Variants in TMEM132B observed in about 807,000 individuals in gnomAD.
TMEM132B encodes transmembrane protein 132B.
In TMEM132B, 18 loss-of-function variants were observed where a neutral mutation model predicts 90.8. The observed-to-expected ratio is 0.20, with a 90% CI of 0.14 to 0.29. The LOEUF is 0.29. Ranked by LOEUF, TMEM132B falls within the 10% of genes least tolerant of loss-of-function variation. The probability of loss-of-function intolerance (pLI) is 1.00; values close to 1 mark genes in which losing one functional copy is unlikely to be tolerated. For missense variants in TMEM132B, 1,096 were observed against 1,326.8 expected (o/e 0.83, Z 2.70); for synonymous variants, 504 against 523.3 (o/e 0.96, Z 0.50).
At chr12:125,566,411 A>T (rs952040239) in intron 4 of TMEM132B, among the ~76,000 whole-genome samples, 1 of 152,266 alleles carries the variant, frequency 6.6e-6, no homozygotes, top group African/African-American at 2.4e-5. Context: ...GTAAGACATA[A>T]ATAGTGCTCA....
At chr12:125,225,496 G>C (rs1236725744) in intron 1 of TMEM132B, among the ~76,000 whole-genome samples, 2 of 152,200 alleles carry the variant, frequency 1.3e-5, no homozygotes, top group Non-Finnish European at 2.9e-5. Flanking sequence ...ATTTCTGGCT[G>C]TGCTATGCCT....
At chr12:125,265,063 A>T (rs1378812349) in intron 1 of TMEM132B, among the ~76,000 whole-genome samples, 1 of 152,210 alleles carries the variant, frequency 6.6e-6, no homozygotes, top group Non-Finnish European at 1.5e-5. Flanking sequence ...TTGTTACTGT[A>T]CTGAATACTG....
chr12:125,483,286 A>T (rs1882107238), intron 3 of TMEM132B, among the ~76,000 whole-genome samples: 1 of 152,166 alleles, frequency 6.6e-6, no homozygotes, highest in South Asian at 2.1e-4. Context: ...TGTGAGAAAA[A>T]ATAGTGATTG....
intron 5 of TMEM132B, among the ~76,000 whole-genome samples, chr12:125,631,785 G>A (rs1393114036): frequency 1.3e-5 from 2 of 151,576 alleles, no homozygotes; most frequent in Non-Finnish European, 2.9e-5. Context: ...TCAATTTGTC[G>A]GATATAAGCA....
intron 4 of TMEM132B, 45 bp from the exon 5 acceptor site, chr12:125,583,806 T>C (rs1885113697): frequency 6.2e-7 from 1 of 1,608,800 alleles, no homozygotes; most frequent in African/African-American, 1.3e-5. Context: ...CTCGCCCCTG[T>C]GGTATGCACG....
intron 1 of TMEM132B, among the ~76,000 whole-genome samples, chr12:125,329,187 G>A (rs1423221286): frequency 1.3e-5 from 2 of 152,176 alleles, no homozygotes; most frequent in African/African-American, 2.4e-5. Context: ...GCGAGGATAT[G>A]GCAAGAATGC....
At chr12:125,516,009 C>T (rs1044045033) in intron 3 of TMEM132B, among the ~76,000 whole-genome samples, 1 of 151,882 alleles carries the variant, frequency 6.6e-6, no homozygotes, top group Non-Finnish European at 1.5e-5. Flanking sequence ...TCCCAGACTC[C>T]TATGCACTCC....
chr12:125,569,733 G>A (rs578182129), intron 4 of TMEM132B, among the ~76,000 whole-genome samples: 15 of 152,190 alleles, frequency 9.9e-5, no homozygotes, highest in Non-Finnish European at 1.9e-4. Flanking sequence ...GAACCAGCAC[G>A]GGAGCTCCTT....
chr12:125,434,171 G>A (rs1384701561), intron 3 of TMEM132B, among the ~76,000 whole-genome samples: 5 of 152,102 alleles, frequency 3.3e-5, no homozygotes, highest in African/African-American at 1.2e-4. Context: ...ATTCCTTGGC[G>A]GGTGGCCCTG....
chr12:125,316,388 G>T (rs538548644), intron 1 of TMEM132B, among the ~76,000 whole-genome samples: 2 of 151,994 alleles, frequency 1.3e-5, no homozygotes, highest in African/African-American at 2.4e-5. Flanking sequence ...GCATCTCTTC[G>T]CACTCTTTCT....
At chr12:125,247,341 C>G (rs1314292389) in intron 1 of TMEM132B, among the ~76,000 whole-genome samples, 3 of 152,194 alleles carry the variant, frequency 2.0e-5, no homozygotes, top group Admixed American at 2.0e-4. Flanking sequence ...ATAACAGGCT[C>G]TATCTAGTTT....
At chr12:125,189,694 T>G (rs976556204) in intron 1 of TMEM132B, among the ~76,000 whole-genome samples, 2 of 151,754 alleles carry the variant, frequency 1.3e-5, no homozygotes, top group Admixed American at 1.3e-4. Flanking sequence ...ATGCAGGGAG[T>G]TGGGGAGGCG....
chr12:125,287,970 C>T (rs916755970), intron 1 of TMEM132B, among the ~76,000 whole-genome samples: 83 of 152,060 alleles, frequency 5.5e-4, no homozygotes, highest in African/African-American at 2.0e-3. Flanking sequence ...CGGGTTCAAG[C>T]GATTCTCCTG....
intron 3 of TMEM132B, among the ~76,000 whole-genome samples, chr12:125,486,761 G>A (rs1259596480): frequency 1.3e-5 from 2 of 152,170 alleles, no homozygotes; most frequent in Non-Finnish European, 2.9e-5. Flanking sequence ...AAACGTGTAT[G>A]ATTGCTGGCT....
chr12:125,424,050 A>C (rs1160388162), intron 3 of TMEM132B, among the ~76,000 whole-genome samples: 2 of 152,216 alleles, frequency 1.3e-5, no homozygotes, highest in African/African-American at 4.8e-5. Context: ...TAATTTTTAA[A>C]GTATAATATT....
rs1032154315 is a variant in TMEM132B at position 125,458,470 on chromosome 12, G to T, written c.1106+42793G>T. On this transcript the variant is annotated intron_variant, in intron 3 of 8. Coordinates refer to ENST00000682704, the MANE Select transcript of TMEM132B (RefSeq NM_001366854.1). The surrounding 1 kb of genome is among the most constrained non-coding windows in gnomAD (Gnocchi z 4.9). Reference sequence around the variant, plus strand: ...AACAAACCAGGCTGGGACCCCAGGCGACCAGCAGGGGTCATTTGGTTTCAG... The same window carrying T: ...AACAAACCAGGCTGGGACCCCAGGCTACCAGCAGGGGTCATTTGGTTTCAG... Among the ~76,000 whole-genome samples the T allele has an allele frequency of 1.6e-4, 25 of 152,156 alleles. No individual in the cohort carries two copies. The highest frequency in any genetic ancestry group is 6.0e-4 in the African/African-American group (25 of 41,418).
intron 2 of TMEM132B, among the ~76,000 whole-genome samples, chr12:125,370,648 A>G (rs555764091): frequency 9.9e-5 from 15 of 152,226 alleles, no homozygotes; most frequent in Non-Finnish European, 2.9e-5. Flanking sequence ...GACTCAAGCA[A>G]TCCTCCCGCG....
intron 3 of TMEM132B, among the ~76,000 whole-genome samples, chr12:125,444,823 T>C (rs1491901): frequency 0.13 from 20,481 of 152,208 alleles, 1,322 homozygotes; most frequent in Admixed American, 0.18. Flanking sequence ...GTGGGCCTGA[T>C]TGATTAATTG....
At position 125,656,138 on chromosome 12, in the gene TMEM132B, A is replaced by C. The variant is rs1566104973; in HGVS notation, c.*1428A>C. 6.6e-6 allele frequency: 1 copy of C among 152,240 alleles called. No homozygotes were observed. Among genetic ancestry groups the C allele is most frequent in the Non-Finnish European group, 1.5e-5 (1 of 68,044 alleles). The allele number at this position is 152,240 out of a possible 1,614,324, so 9.4% of individuals were successfully genotyped here. A position where few individuals can be genotyped will look rare whatever the true frequency, so the allele number is the denominator to read the frequency against. On this transcript the variant is annotated 3_prime_UTR_variant, in exon 9 of 9. Transcript: ENST00000682704. ...AGCATCATGAATGGTCTTAAGGCAA[A>C]AATTTCAGATTAGCAAAATGTGATG...
Sources: allele counts gnomAD v4.1 joint callset (sites outside exome capture counted in the v4.1 genomes callset), GRCh38; gene constraint gnomAD v4.1.1; non-coding constraint Gnocchi (gnomAD v3.1); transcripts MANE v1.5; gene names NCBI Gene and HGNC (gene_info 2026-07-23, HGNC 2026-07-21).